CIT: variants seen among roughly 807,000 people sequenced by gnomAD.
CIT encodes the protein citron Rho-interacting kinase.
CIT carries 79 observed loss-of-function variants against 272.7 expected under a neutral mutation model. The observed-to-expected ratio is 0.29, with a 90% CI of 0.24 to 0.35. The LOEUF is 0.35. CIT is among the 10% of genes least tolerant of loss of function. The pLI, the probability that CIT is intolerant of heterozygous loss-of-function variation, is 1.00. For synonymous variants in CIT, 948 were observed against 995.6 expected (o/e 0.95, Z 0.90); for missense variants, 1,909 against 2,618.3 (o/e 0.73, Z 5.91).
chr12:119,720,736 G>C (rs3213626), intron 29 of CIT, 151 bp from the exon 30 acceptor site: 1 of 492,228 alleles, frequency 2.0e-6, no homozygotes, highest in Non-Finnish European at 3.5e-6. Flanking sequence ...ATTTAGTCCA[G>C]TTTTACTGCA....
At chr12:119,766,891 G>GT (rs1372510083) in intron 19 of CIT, among the ~76,000 whole-genome samples, 196 bp downstream of exon 19, 45 of 146,162 alleles carry the variant, frequency 3.1e-4, no homozygotes, top group South Asian at 1.1e-3. Context: ...AAAAAAAAAG[G>GT]TTTTTTTTTT....
chr12:119,735,146 T>C lies in CIT; in HGVS notation c.3156+14A>G, dbSNP rs756386929. 5.0e-6 allele frequency: 8 copies of C among 1,612,910 alleles called. No homozygotes were observed. Among genetic ancestry groups the C allele is most frequent in the Non-Finnish European group, 6.8e-6 (8 of 1,179,682 alleles). On this transcript the variant is annotated intron_variant, in intron 25 of 47. Coordinates refer to ENST00000392521, the MANE Select transcript of CIT (RefSeq NM_001206999.2). ...GTCCTCCAGGGATCTCACGACCTTGTTAACCCTCCTTACTTGCTTCTGGCT... is the reference window on the plus strand; with the variant it reads ...GTCCTCCAGGGATCTCACGACCTTGCTAACCCTCCTTACTTGCTTCTGGCT...
chr12:119,819,723 C>T (rs952553519), intron 9 of CIT, among the ~76,000 whole-genome samples: 3 of 152,124 alleles, frequency 2.0e-5, no homozygotes, highest in Non-Finnish European at 4.4e-5. Flanking sequence ...CTTAATGATT[C>T]GAAGTATTTC....
chr12:119,720,484 C>A lies in CIT; in HGVS notation c.3834G>T (p.Lys1278Asn). ...TTCAAACACTTTGACTCACCTTTTT[C>A]TTTTTAGCAGGTTGGTCCATTTTGG... is the stretch of plus-strand genomic sequence containing the variant. The part of the protein sequence containing the change: ...LQAKMDQPAK[K>N]KKGLFSRRKE... Residue 1278 changes from lysine (K) to asparagine (N), a missense_variant, in exon 30 of 48, where the codon AAG becomes AAT. Around this residue, in one of 8 missense-constraint regions of CIT, gnomAD observed 780 missense variants for 1,067.2 expected, o/e 0.73. Coordinates refer to ENST00000392521, the MANE Select transcript of CIT (RefSeq NM_001206999.2). 6.2e-7 allele frequency: 1 copy of A among 1,605,680 alleles called. No individual in the cohort carries two copies.
intron 10 of CIT, among the ~76,000 whole-genome samples, chr12:119,788,873 A>C (rs1225176974): frequency 6.6e-6 from 1 of 152,218 alleles, no homozygotes; most frequent in East Asian, 1.9e-4. Flanking sequence ...CTTTAGAATA[A>C]AGGTGCTAAA....
chr12:119,697,914 G>A lies in CIT; in HGVS notation c.5702+62C>T, dbSNP rs543886772. ...CTAGGCAAGTTAGGAAGGAACATGC[G>A]GCCGGCCCCAACACCTACCCCAATA... On this transcript the variant is annotated intron_variant, in intron 45 of 47. Transcript: ENST00000392521. The surrounding 1 kb of genome is among the most constrained non-coding windows in gnomAD (Gnocchi z 4.9). 182 of 1,612,380 alleles carry A rather than the reference G, an allele frequency of 1.1e-4. No homozygotes were observed. Among genetic ancestry groups the A allele is most frequent in the Non-Finnish European group, 1.3e-4 (156 of 1,178,512 alleles).
Position 119,701,729 on chromosome 12 carries a change from A to T in CIT, c.5437T>A (p.Ser1813Thr). The T allele has an allele frequency of 6.2e-7, 1 of 1,614,238 alleles. No homozygotes were observed. Among genetic ancestry groups the T allele is most frequent in the Non-Finnish European group, 8.5e-7 (1 of 1,180,052 alleles). The change falls in exon 43 of 48, where the codon TCC becomes ACC. Residue 1813 changes from serine to threonine, a missense_variant. This residue lies in a region of CIT where 780 missense variants were observed against 1,067.2 expected (regional missense o/e 0.73). Coordinates refer to ENST00000392521, the MANE Select transcript of CIT (RefSeq NM_001206999.2). ...GCGGCAAACACAGCAGGTGCCAAGGAATGGTCATTCTTATCCAGGAATTCT... is the reference window on the plus strand; with the variant it reads ...GCGGCAAACACAGCAGGTGCCAAGGTATGGTCATTCTTATCCAGGAATTCT... ...LEEFLDKNDH[S>T]LAPAVFAASS...
chr12:119,864,191 GATCTT>G (rs1269941572), intron 3 of CIT, among the ~76,000 whole-genome samples: 3 of 151,922 alleles, frequency 2.0e-5, no homozygotes, highest in Non-Finnish European at 4.4e-5. Flanking sequence ...ATATATTGAA[GATCTT>G]ATCTATAGTG....
At position 119,704,455 on chromosome 12, in the gene CIT, T is replaced by G; in HGVS notation, c.5212A>C (p.Ile1738Leu). ...KGCHLFGAGKIENGLCICAAM... is the reference protein window; with the variant it reads ...KGCHLFGAGKLENGLCICAAM... Reference sequence around the variant, plus strand: ...GCACAGATGCAGAGCCCGTTCTCAATCTGAAAAGCAACCAAGAAAAGAAAA... The same window carrying G: ...GCACAGATGCAGAGCCCGTTCTCAAGCTGAAAAGCAACCAAGAAAAGAAAA... The change falls in exon 41 of 48, where the codon ATT becomes CTT. Residue 1738 changes from isoleucine to leucine, a missense_variant and splice_region_variant. By Grantham distance (5) the Ile-to-Leu change is conservative. Coordinates refer to ENST00000392521, the MANE Select transcript of CIT (RefSeq NM_001206999.2). 1 of 1,613,850 alleles carries G rather than the reference T, an allele frequency of 6.2e-7. No homozygotes were observed. The highest frequency in any genetic ancestry group is 8.5e-7 in the Non-Finnish European group (1 of 1,179,814).
chr12:119,794,386 A>C (rs1037271928), intron 10 of CIT, among the ~76,000 whole-genome samples: 1 of 152,244 alleles, frequency 6.6e-6, no homozygotes, highest in African/African-American at 2.4e-5. Context: ...CAAAATGAGA[A>C]GTGTGCTGCA....
intron 41 of CIT, among the ~76,000 whole-genome samples, chr12:119,702,267 C>T (rs1956634097): frequency 6.7e-6 from 1 of 149,814 alleles, no homozygotes; most frequent in South Asian, 2.1e-4. Flanking sequence ...ACTGCACACG[C>T]CCCATTCACC....
At chr12:119,861,165 C>T in intron 3 of CIT, among the ~76,000 whole-genome samples, 1 of 152,028 alleles carries the variant, frequency 6.6e-6, no homozygotes, top group Non-Finnish European at 1.5e-5. Flanking sequence ...ATACCAGCTG[C>T]TTCTGTGACC....
At chr12:119,699,792 T>A in intron 44 of CIT, 1 of 456,122 alleles carries the variant, frequency 2.2e-6, no homozygotes, top group South Asian at 1.5e-5. Context: ...AATAAGCTGT[T>A]GTTTGAAGTC....
At chr12:119,814,687 C>G (rs181264123) in intron 9 of CIT, among the ~76,000 whole-genome samples, 3 of 152,292 alleles carry the variant, frequency 2.0e-5, no homozygotes, top group Admixed American at 1.3e-4. Context: ...CTTCAAATGA[C>G]AGGAAGCCTC....
In CIT at chr12:119,782,645, A is replaced by G. The variant is rs1372378122; in HGVS notation, c.1546-8T>C. ...CAAACTTCGCTTTAAGCTCTGCAGA[A>G]AGCAAAAATTTTAATAGGGATGCCC... On this transcript the variant is annotated splice_polypyrimidine_tract_variant and splice_region_variant and intron_variant, in intron 12 of 47. Coordinates refer to ENST00000392521, the MANE Select transcript of CIT (RefSeq NM_001206999.2). 1 of 1,613,610 alleles carries G rather than the reference A, an allele frequency of 6.2e-7. No homozygotes were observed. Among genetic ancestry groups the G allele is most frequent in the Non-Finnish European group, 8.5e-7 (1 of 1,179,900 alleles).
At chr12:119,753,116 G>A (rs1243259665) in intron 22 of CIT, among the ~76,000 whole-genome samples, 1 of 152,126 alleles carries the variant, frequency 6.6e-6, no homozygotes, top group Non-Finnish European at 1.5e-5. Context: ...CTATTGACCT[G>A]ACAAACATGG....
chr12:119,699,639 C>T (rs557995033), intron 44 of CIT: 2 of 354,350 alleles, frequency 5.6e-6, no homozygotes, highest in South Asian at 2.1e-5. Flanking sequence ...AGCCACCAGC[C>T]GCAGCTAAGC....
chr12:119,837,985 T>C (rs1161274033), intron 5 of CIT, among the ~76,000 whole-genome samples: 1 of 152,228 alleles, frequency 6.6e-6, no homozygotes, highest in Non-Finnish European at 1.5e-5. Flanking sequence ...GCCACTATTC[T>C]AGATGTTAGG....
At position 119,776,774 on chromosome 12, in the gene CIT, T is replaced by G; in HGVS notation, c.1734A>C (p.Ala578=). 6.2e-7 allele frequency: 1 copy of G among 1,614,132 alleles called. No individual in the cohort carries two copies. The highest frequency in any genetic ancestry group is 1.1e-5 in the South Asian group (1 of 91,084). Residue 578 remains alanine, a synonymous_variant, in exon 14 of 48, where the codon GCA becomes GCC. Coordinates refer to ENST00000392521, the MANE Select transcript of CIT (RefSeq NM_001206999.2). ...ATTCGTAGAGATCACTCCGTCTTCT[T>G]GCTGAGACAAGATCCTCTTCCAACT... ...MNQLEEDLVS[A]RRRSDLYESE...
Sources: gnomAD v4.1 joint callset for allele counts (sites outside exome capture counted in the v4.1 genomes callset) on GRCh38, gnomAD v4.1.1 for gene constraint, gnomAD v4.1.1 regional missense constraint, Gnocchi (gnomAD v3.1) non-coding constraint, MANE v1.5 for transcripts, NCBI Gene and HGNC (gene_info 2026-07-23, HGNC 2026-07-21) for gene names.